The following CCDC172 variants were observed in gnomAD, a reference collection of about 807,000 sequenced individuals.
The protein encoded by CCDC172 is coiled-coil domain containing 172, also known as coiled-coil domain-containing protein 172.
In CCDC172, 30 loss-of-function variants were observed where a neutral mutation model predicts 38.0. The ratio of observed to expected loss-of-function variants is 0.79; its 90% confidence interval spans 0.59 to 1.07. CCDC172 has a LOEUF of 1.07. Among genes scored for constraint, CCDC172 ranks in the 50% least tolerant of loss-of-function variants. The pLI, the probability that CCDC172 is intolerant of heterozygous loss-of-function variation, is 0.00. For synonymous variants in CCDC172, 78 were observed against 88.3 expected (o/e 0.88, Z 0.66); for missense variants, 297 against 290.1 (o/e 1.02, Z -0.17).
At chr10:116,348,091 CTTTCTCTGCTTGGAAAAATGTACGTACT>C (rs1844888448) in intron 5 of CCDC172, among the ~76,000 whole-genome samples, 1 of 151,642 alleles carries the variant, frequency 6.6e-6, no homozygotes, top group Non-Finnish European at 1.5e-5. Context: ...ACGCTTTTTT[CTTTCTCTGCTTGGAAAAATGTACGTACT>C]ATAATTATCT....
chr10:116,335,855 AT>A (rs1328919977), intron 3 of CCDC172, among the ~76,000 whole-genome samples: 3 of 151,840 alleles, frequency 2.0e-5, no homozygotes, highest in Non-Finnish European at 4.4e-5. Context: ...GTTTCTCTGT[AT>A]ATTTTCTTGG....
intron 3 of CCDC172, among the ~76,000 whole-genome samples, chr10:116,337,153 A>G (rs2134914939): frequency 1.5e-5 from 1 of 66,780 alleles, no homozygotes; most frequent in East Asian, 4.9e-4. Flanking sequence ...ATGTGATTCT[A>G]GATTTTTTTT....
At chr10:116,325,428 G>T (rs1378177124) in intron 3 of CCDC172, 40 bp downstream of exon 3, 1 of 1,526,294 alleles carries the variant, frequency 6.6e-7, no homozygotes, top group East Asian at 2.3e-5. Context: ...ACTTGAAAAA[G>T]CCTGCCTTAA....
intron 4 of CCDC172, among the ~76,000 whole-genome samples, chr10:116,341,421 AAAATATGGTAATGT>A (rs1565714338): frequency 6.6e-6 from 1 of 152,096 alleles, no homozygotes; most frequent in Non-Finnish European, 1.5e-5. Flanking sequence ...ATAGCTTAGA[AAAATATGGTAATGT>A]TTATATTCTA....
At chr10:116,378,256 C>T (rs2133082739) in intron 7 of CCDC172, among the ~76,000 whole-genome samples, 167 bp from the exon 8 acceptor site, 1 of 152,138 alleles carries the variant, frequency 6.6e-6, no homozygotes, top group Non-Finnish European at 1.5e-5. Flanking sequence ...AGTTTTACCG[C>T]AAAATTTTAT....
At chr10:116,340,694 T>C (rs1339536565) in intron 3 of CCDC172, 40 bp from the exon 4 acceptor site, 8 of 984,154 alleles carry the variant, frequency 8.1e-6, no homozygotes, top group Non-Finnish European at 1.1e-5. Context: ...AAATGTCTAA[T>C]TAATTGTTTT....
Position 116,342,116 on chromosome 10 carries a change from A to G in CCDC172, c.363A>G (p.Ile121Met). Residue 121 changes from isoleucine (I) to methionine (M), a missense_variant, in exon 5 of 9, where the codon ATA becomes ATG. Coordinates refer to ENST00000333254, the MANE Select transcript of CCDC172 (RefSeq NM_198515.3). ...CAGACTTTAATAATGATTATGAAAT[A>G]ACAAAGAAAAGAGAGCTTTTGATGA... ...EITDFNNDYE[I>M]TKKRELLMKE... 1 of 1,552,446 alleles carries G rather than the reference A, an allele frequency of 6.4e-7. No homozygotes were observed. Among genetic ancestry groups the G allele is most frequent in the Non-Finnish European group, 8.6e-7 (1 of 1,158,284 alleles).
intron 7 of CCDC172, among the ~76,000 whole-genome samples, chr10:116,358,484 C>A (rs191346031): frequency 6.6e-6 from 1 of 152,188 alleles, no homozygotes; most frequent in Admixed American, 6.5e-5. Context: ...ATTTGACTCT[C>A]ATTGATTAAC....
chr10:116,357,651 G>A (rs1845015654), intron 6 of CCDC172, among the ~76,000 whole-genome samples, 170 bp downstream of exon 6: 1 of 151,912 alleles, frequency 6.6e-6, no homozygotes, highest in African/African-American at 2.4e-5. Context: ...TATTTTTAAT[G>A]TCACAAATTT....
intron 3 of CCDC172, among the ~76,000 whole-genome samples, chr10:116,329,147 A>C (rs1057015416): frequency 2.6e-4 from 39 of 152,268 alleles, no homozygotes; most frequent in African/African-American, 8.9e-4. Flanking sequence ...TTAAAGAAAA[A>C]ATTTGTTTCC....
intron 3 of CCDC172, among the ~76,000 whole-genome samples, chr10:116,338,334 A>G (rs547274124): frequency 6.6e-6 from 1 of 152,228 alleles, no homozygotes; most frequent in East Asian, 1.9e-4. Flanking sequence ...ATCTTTCTGT[A>G]GTTATTGACT....
At chr10:116,346,625 C>A (rs1307084462) in intron 5 of CCDC172, among the ~76,000 whole-genome samples, 2 of 150,838 alleles carry the variant, frequency 1.3e-5, no homozygotes, top group East Asian at 3.9e-4. Flanking sequence ...AATGAATATA[C>A]TTTATGTAAA....
At chr10:116,358,460 C>T (rs892038136) in intron 7 of CCDC172, among the ~76,000 whole-genome samples, 1 of 152,072 alleles carries the variant, frequency 6.6e-6, no homozygotes, top group Non-Finnish European at 1.5e-5. Flanking sequence ...GGAGTAAAGA[C>T]CTCAAGTTTT....
chr10:116,358,066 T>C (rs1845021524), intron 7 of CCDC172, 128 bp downstream of exon 7: 1 of 596,756 alleles, frequency 1.7e-6, no homozygotes, highest in South Asian at 2.0e-5. Flanking sequence ...TTCTTCTCTG[T>C]GTATTCTGAC....
intron 7 of CCDC172, among the ~76,000 whole-genome samples, chr10:116,374,802 AAGAC>A (rs940334096): frequency 2.6e-5 from 4 of 152,024 alleles, no homozygotes; most frequent in African/African-American, 9.7e-5. Context: ...TGCCAAGTAA[AAGAC>A]AGATTATTAC....
At chr10:116,365,462 A>T (rs1471885776) in intron 7 of CCDC172, among the ~76,000 whole-genome samples, 1 of 152,168 alleles carries the variant, frequency 6.6e-6, no homozygotes, top group African/African-American at 2.4e-5. Flanking sequence ...CTACCATTTT[A>T]TTTGAAAAAT....
At chr10:116,377,519 C>T (rs189626814) in intron 7 of CCDC172, among the ~76,000 whole-genome samples, 2 of 152,032 alleles carry the variant, frequency 1.3e-5, no homozygotes, top group African/African-American at 2.4e-5. Context: ...TCCCAATGCA[C>T]GTTAATAAAA....
At chr10:116,347,539 G>A (rs538861959) in intron 5 of CCDC172, among the ~76,000 whole-genome samples, 1 of 152,140 alleles carries the variant, frequency 6.6e-6, no homozygotes, top group South Asian at 2.1e-4. Flanking sequence ...TTTTAAAAAG[G>A]CGATGTAGAG....
intron 5 of CCDC172, among the ~76,000 whole-genome samples, chr10:116,356,986 A>G (rs1338063904): frequency 6.6e-6 from 1 of 152,138 alleles, no homozygotes; most frequent in South Asian, 2.1e-4. Context: ...CTTAAAATTA[A>G]CCGTATGCTG....
Sources: allele counts gnomAD v4.1 joint callset (sites outside exome capture counted in the v4.1 genomes callset), GRCh38; gene constraint gnomAD v4.1.1; transcripts MANE v1.5; gene names NCBI Gene and HGNC (gene_info 2026-07-23, HGNC 2026-07-21).